The following KLHL22 variants were observed in gnomAD, a reference collection of about 807,000 sequenced individuals.
KLHL22 encodes kelch-like protein 22.
KLHL22 carries 18 observed loss-of-function variants against 60.7 expected under a neutral mutation model. The ratio of observed to expected loss-of-function variants is 0.30; its 90% CI spans 0.20 to 0.44. The LOEUF (loss-of-function observed/expected upper bound fraction) is 0.44. KLHL22 is among the 20% of genes least tolerant of loss of function. KLHL22 has a pLI of 1.00. For synonymous variants in KLHL22, 355 were observed against 354.5 expected (o/e 1.00, Z -0.01); for missense variants, 596 against 852.3 (o/e 0.70, Z 3.74).
At chr22:20,449,981 G>C (rs559309646) in intron 5 of KLHL22, 7 of 562,940 alleles carry the variant, frequency 1.2e-5, no homozygotes, top group Admixed American at 9.5e-5. Context: ...GCGACGCTTC[G>C]GCTCCTCCTG....
chr22:20,442,634 C>A (rs138045645), intron 6 of KLHL22, among the ~76,000 whole-genome samples, 196 bp from the exon 7 acceptor site: 1 of 152,350 alleles, frequency 6.6e-6, no homozygotes, highest in East Asian at 1.9e-4. Context: ...CAGGGATGGC[C>A]GAGTCTGCAG....
intron 5 of KLHL22, among the ~76,000 whole-genome samples, chr22:20,452,906 C>T (rs987201577): frequency 6.6e-6 from 1 of 152,222 alleles, no homozygotes; most frequent in Non-Finnish European, 1.5e-5. Flanking sequence ...GTGATTGGTA[C>T]ATTTAGTCTT....
chr22:20,474,477 C>T (rs2053378019), intron 2 of KLHL22, among the ~76,000 whole-genome samples: 1 of 152,170 alleles, frequency 6.6e-6, no homozygotes, highest in Non-Finnish European at 1.5e-5. Flanking sequence ...CTGCAACCTC[C>T]GCCTCCCGGG....
At position 20,450,249 on chromosome 22, in the gene KLHL22, T is replaced by C. The variant is rs981651874; in HGVS notation, c.1306-3573A>G. 4.5e-6 allele frequency: 4 copies of C among 893,946 alleles called. No homozygotes were observed. The African/African-American group carries it at 6.5e-5, about 15-fold the overall frequency. 55.4% of individuals were successfully genotyped at this position (893,946 alleles called of 1,614,324 possible). On this transcript the variant is annotated intron_variant, in intron 5 of 6. Transcript: ENST00000328879. ...GTGACATTGAGTAGAGCAGAAAGAC[T>C]TTCCTGCCCATGAGATTGTGCTGGC...
At chr22:20,448,376 C>T (rs926168360) in intron 5 of KLHL22, among the ~76,000 whole-genome samples, 2 of 152,212 alleles carry the variant, frequency 1.3e-5, no homozygotes, top group Non-Finnish European at 1.5e-5. Flanking sequence ...CAAAACACTT[C>T]TGGTCCCCAG....
chr22:20,457,989 C>CGT lies in KLHL22; in HGVS notation c.1122_1123dup (p.Arg375HisfsTer24). On this transcript the variant is annotated frameshift_variant, in exon 5 of 7. Coordinates refer to ENST00000328879, the MANE Select transcript of KLHL22 (RefSeq NM_032775.4). LOFTEE classifies it high-confidence loss of function. ...CTGGATCTGGAACCAGCGGTTGTGCCGTGGGTCATACCTGTGCCGAGACAT... is the reference window on the plus strand; with the variant it reads ...CTGGATCTGGAACCAGCGGTTGTGCCGTGTGGGTCATACCTGTGCCGAGACAT... 6.2e-7 allele frequency: 1 copy of CGT among 1,614,018 alleles called. No homozygotes were observed. Among genetic ancestry groups the CGT allele is most frequent in the South Asian group, 1.1e-5 (1 of 91,056 alleles).
At chr22:20,471,895 AG>A (rs1468388322) in intron 2 of KLHL22, among the ~76,000 whole-genome samples, 1 of 152,202 alleles carries the variant, frequency 6.6e-6, no homozygotes, top group African/African-American at 2.4e-5. Context: ...AACTAATAAA[AG>A]TCATTTCATT....
intron 4 of KLHL22, among the ~76,000 whole-genome samples, chr22:20,462,761 T>C (rs1198564598): frequency 1.3e-5 from 2 of 152,006 alleles, no homozygotes; most frequent in African/African-American, 4.8e-5. Flanking sequence ...GCTATGGCTA[T>C]GGGAAAGGTA....
chr22:20,483,105 T>C (rs949424809), intron 2 of KLHL22: 2 of 647,510 alleles, frequency 3.1e-6, no homozygotes, highest in Admixed American at 2.2e-5. Context: ...AGCTGCTCCA[T>C]CTACAGGGCA....
Position 20,490,657 on chromosome 22 carries a change from G to A in KLHL22, c.-33-1413C>T, listed in dbSNP as rs12169691. 4.6e-5 allele frequency among the ~76,000 whole-genome samples: 7 copies of A among 152,248 alleles called. No individual in the cohort carries two copies. In the South Asian group the frequency reaches 6.2e-4, roughly 14 times the overall value. On this transcript the variant is annotated intron_variant, in intron 1 of 6. Transcript: ENST00000328879. ...TTCCACGGGGTCGGGGAATGGTTTC[G>A]GGATCAAACTGTTCCACCTCAGATT...
chr22:20,450,416 T>C lies in KLHL22; in HGVS notation c.1306-3740A>G, dbSNP rs183839392. The C allele has an allele frequency of 3.4e-5, 51 of 1,509,372 alleles. No homozygotes were observed. The African/African-American group carries it at 5.5e-4, about 16-fold the overall frequency. The allele number at this position is 1,509,372 out of a possible 1,614,324, so 93.5% of individuals were successfully genotyped here. ...GTACACGGAAACAGTACATGTGACA[T>C]GGAGAATGTACAGGAACTGCTTCCT... On this transcript the variant is annotated intron_variant, in intron 5 of 6. Transcript: ENST00000328879.
chr22:20,449,990 T>C, intron 5 of KLHL22: 1 of 579,172 alleles, frequency 1.7e-6, no homozygotes, highest in East Asian at 3.0e-5. Context: ...CGGCTCCTCC[T>C]GAGCCACCTG....
intron 4 of KLHL22, among the ~76,000 whole-genome samples, chr22:20,462,363 A>AAT (rs936567750): frequency 6.6e-6 from 1 of 151,622 alleles, no homozygotes; most frequent in African/African-American, 2.4e-5. Flanking sequence ...TATTTAAAAA[A>AAT]TTTTTTTTAG....
At chr22:20,458,972 C>G (rs1184168681) in intron 4 of KLHL22, among the ~76,000 whole-genome samples, 1 of 152,084 alleles carries the variant, frequency 6.6e-6, no homozygotes. Context: ...GCGGCAGGCC[C>G]ACGAGGGTGG....
At chr22:20,450,702 A>T in intron 5 of KLHL22, 1 of 1,422,814 alleles carries the variant, frequency 7.0e-7, no homozygotes, top group Non-Finnish European at 9.9e-7. Flanking sequence ...CTGAAGAACC[A>T]GTCTTTGAGG....
In KLHL22 at chr22:20,494,078, C is replaced by A. The variant is rs1429571526; in HGVS notation, c.-34+1682G>T. Among the ~76,000 whole-genome samples the A allele has an allele frequency of 1.8e-4, 20 of 110,976 alleles. 1 individual carries two copies. The highest frequency in any genetic ancestry group is 3.6e-4 in the Non-Finnish European group (19 of 52,776). The allele number at this position is 110,976 out of a possible 152,430, so 72.8% of individuals were successfully genotyped here. ...TGGGCGACAGAGCCAGACTTTGCCCCCCCCCCAAAAAAAAAAGTGCAAAGT... is the reference window on the plus strand; with the variant it reads ...TGGGCGACAGAGCCAGACTTTGCCCACCCCCCAAAAAAAAAAGTGCAAAGT... On this transcript the variant is annotated intron_variant, in intron 1 of 6. Transcript: ENST00000328879.
intron 5 of KLHL22, chr22:20,451,091 T>C: frequency 6.8e-7 from 1 of 1,460,196 alleles, no homozygotes; most frequent in East Asian, 2.3e-5. Flanking sequence ...GTGGCCTCAG[T>C]GTCCCTACAT....
intron 2 of KLHL22, among the ~76,000 whole-genome samples, chr22:20,476,875 T>A (rs1178377441): frequency 1.3e-5 from 2 of 151,298 alleles, no homozygotes; most frequent in African/African-American, 4.9e-5. Context: ...CGCCTGGCTA[T>A]TTTGTATTTT....
rs187046647 is a variant in KLHL22, at chr22:20,451,291, C to T, written c.1306-4615G>A. The T allele has an allele frequency of 3.1e-4, 504 of 1,606,234 alleles. 1 individual carries two copies. The African/African-American group carries it at 6.2e-3, about 20-fold the overall frequency. ...CTCTGGAGGCTTTGATGGAAGCAGG[C>T]GTCACACCAGTATGGAGCGGTATGA... On this transcript the variant is annotated intron_variant, in intron 5 of 6. Transcript: ENST00000328879.
Sources: gnomAD v4.1 joint callset for allele counts (sites outside exome capture counted in the v4.1 genomes callset) on GRCh38, gnomAD v4.1.1 for gene constraint, MANE v1.5 for transcripts, NCBI Gene and HGNC (gene_info 2026-07-23, HGNC 2026-07-21) for gene names.